CAMK4: variants seen among roughly 807,000 people sequenced by gnomAD.
The protein encoded by CAMK4 is calcium/calmodulin-dependent protein kinase type IV.
A neutral mutation model predicts 44.9 loss-of-function variants in CAMK4; 22 were observed. That is an observed-to-expected ratio of 0.49 (90% CI 0.35 to 0.70). CAMK4 has a LOEUF of 0.70. CAMK4 is among the 30% of genes least tolerant of loss of function. The pLI, the probability that CAMK4 is intolerant of heterozygous loss-of-function variation, is 0.01. For missense variants in CAMK4, 498 were observed against 586.8 expected (o/e 0.85, Z 1.56); for synonymous variants, 218 against 215.4 (o/e 1.01, Z -0.11).
intron 1 of CAMK4, among the ~76,000 whole-genome samples, chr5:111,331,879 T>C (rs1252049152): frequency 6.6e-6 from 1 of 151,108 alleles, no homozygotes; most frequent in South Asian, 2.1e-4. Flanking sequence ...TATTTATAGA[T>C]TTTTTCTTAT....
chr5:111,355,714 C>T (rs1448633153), intron 2 of CAMK4, among the ~76,000 whole-genome samples: 5 of 148,440 alleles, frequency 3.4e-5, no homozygotes, highest in Non-Finnish European at 7.4e-5. Context: ...CATGTGCTCT[C>T]ATTGTTCAAT....
Position 111,290,365 on chromosome 5 carries a change from C to CA in CAMK4, c.162-53655dup, listed in dbSNP as rs1747190945. 6.6e-6 allele frequency among the ~76,000 whole-genome samples: 1 copy of CA among 152,010 alleles called. No individual in the cohort carries two copies. The highest frequency in any genetic ancestry group is 2.4e-5 in the African/African-American group (1 of 41,362). On this transcript the variant is annotated intron_variant, in intron 1 of 10. Transcript: ENST00000282356. The surrounding 1 kb of genome is among the most constrained non-coding windows in gnomAD (Gnocchi z 4.5). ...CCTAGCCAGAGATTAGAGCCTGAGG[C>CA]AAAATTATTATGAAGTATAGTTAGG... is the stretch of plus-strand genomic sequence containing the variant.
At chr5:111,349,067 G>A (rs987077377) in intron 2 of CAMK4, among the ~76,000 whole-genome samples, 1 of 151,978 alleles carries the variant, frequency 6.6e-6, no homozygotes, top group African/African-American at 2.4e-5. Flanking sequence ...AACAAGAGAG[G>A]AAAATGGATT....
At chr5:111,446,024 G>A (rs967321831) in intron 5 of CAMK4, among the ~76,000 whole-genome samples, 3 of 152,184 alleles carry the variant, frequency 2.0e-5, no homozygotes, top group Non-Finnish European at 4.4e-5. Flanking sequence ...ATGCTTATAC[G>A]TGATTTTACA....
At chr5:111,242,668 C>G (rs1324238417) in intron 1 of CAMK4, among the ~76,000 whole-genome samples, 1 of 152,124 alleles carries the variant, frequency 6.6e-6, no homozygotes, top group Non-Finnish European at 1.5e-5. Flanking sequence ...AACAGCAGGT[C>G]TTTTCAGAAC....
chr5:111,249,416 AT>A (rs1749379586), intron 1 of CAMK4, among the ~76,000 whole-genome samples: 2 of 151,346 alleles, frequency 1.3e-5, no homozygotes. Context: ...TATATATTGT[AT>A]GTATAATATA....
intron 1 of CAMK4, among the ~76,000 whole-genome samples, chr5:111,277,138 A>T (rs1561380445): frequency 1.3e-5 from 2 of 152,242 alleles, no homozygotes; most frequent in Non-Finnish European, 2.9e-5. Flanking sequence ...TAACACATGG[A>T]TGATAAATTT....
intron 1 of CAMK4, among the ~76,000 whole-genome samples, chr5:111,316,584 C>T (rs73786892): frequency 0.026 from 3,900 of 152,132 alleles, 162 homozygotes; most frequent in African/African-American, 0.088. Flanking sequence ...TGAAGATGCA[C>T]GGTGAAGGCT....
intron 6 of CAMK4, among the ~76,000 whole-genome samples, chr5:111,447,450 C>T (rs774667183): frequency 6.6e-6 from 1 of 152,138 alleles, no homozygotes; most frequent in Non-Finnish European, 1.5e-5. Flanking sequence ...ATATCATATT[C>T]TATGAGACTT....
intron 2 of CAMK4, among the ~76,000 whole-genome samples, chr5:111,359,996 A>G (rs1381710301): frequency 1.3e-5 from 2 of 152,028 alleles, no homozygotes; most frequent in Non-Finnish European, 2.9e-5. Flanking sequence ...ATGTATTTTT[A>G]TGGAGGGGAA....
chr5:111,349,985 CAT>C, intron 2 of CAMK4, among the ~76,000 whole-genome samples: 1 of 152,030 alleles, frequency 6.6e-6, no homozygotes, highest in South Asian at 2.1e-4. Flanking sequence ...TGTGTAAAAT[CAT>C]AATTTCTAGG....
At chr5:111,408,902 G>A (rs1047481083) in intron 5 of CAMK4, among the ~76,000 whole-genome samples, 6 of 152,150 alleles carry the variant, frequency 3.9e-5, no homozygotes, top group Non-Finnish European at 7.4e-5. Flanking sequence ...TTGACTCCTT[G>A]TCTCACCTCC....
At chr5:111,470,371 T>A (rs1443798964) in intron 7 of CAMK4, among the ~76,000 whole-genome samples, 1 of 152,262 alleles carries the variant, frequency 6.6e-6, no homozygotes, top group Non-Finnish European at 1.5e-5. Flanking sequence ...TGGCTACAGA[T>A]ACAGTTCCTT....
intron 1 of CAMK4, among the ~76,000 whole-genome samples, chr5:111,229,051 A>G (rs888349591): frequency 2.0e-5 from 3 of 152,198 alleles, no homozygotes; most frequent in African/African-American, 7.2e-5. Context: ...CAGTGAGCAA[A>G]TGCTTTCTAT....
At chr5:111,417,586 G>A (rs889190120) in intron 5 of CAMK4, among the ~76,000 whole-genome samples, 3 of 152,054 alleles carry the variant, frequency 2.0e-5, no homozygotes, top group Non-Finnish European at 4.4e-5. Context: ...CTCAAACTGG[G>A]CTCAAGTGAT....
At chr5:111,334,817 A>C (rs1348561226) in intron 1 of CAMK4, among the ~76,000 whole-genome samples, 1 of 151,590 alleles carries the variant, frequency 6.6e-6, no homozygotes, top group African/African-American at 2.4e-5. Flanking sequence ...AAACAAAAGA[A>C]TAAAATCAAA....
At chr5:111,260,391 TCTC>T (rs920185524) in intron 1 of CAMK4, among the ~76,000 whole-genome samples, 4 of 152,294 alleles carry the variant, frequency 2.6e-5, no homozygotes, top group East Asian at 1.9e-4. Context: ...GCTGGTAAAA[TCTC>T]CTGCATACCT....
At chr5:111,251,469 A>T (rs865776736) in intron 1 of CAMK4, among the ~76,000 whole-genome samples, 1 of 152,318 alleles carries the variant, frequency 6.6e-6, no homozygotes, top group South Asian at 2.1e-4. Context: ...CAGAGAAGAG[A>T]ACTTCCTAAC....
chr5:111,414,040 T>C (rs1752724978), intron 5 of CAMK4, among the ~76,000 whole-genome samples: 1 of 152,178 alleles, frequency 6.6e-6, no homozygotes, highest in Non-Finnish European at 1.5e-5. Context: ...TCAAAACTTT[T>C]AGAATTCTGT....
Sources: allele counts gnomAD v4.1 joint callset (sites outside exome capture counted in the v4.1 genomes callset), GRCh38; gene constraint gnomAD v4.1.1; non-coding constraint Gnocchi (gnomAD v3.1); transcripts MANE v1.5; gene names NCBI Gene and HGNC (gene_info 2026-07-23, HGNC 2026-07-21).